The following GRIN1 variants were observed in gnomAD, a reference collection of about 807,000 sequenced individuals.
GRIN1 encodes glutamate receptor ionotropic, NMDA 1.
GRIN1 carries 38 observed loss-of-function variants against 103.0 expected under a neutral mutation model. The ratio of observed to expected loss-of-function variants is 0.37; its 90% CI spans 0.28 to 0.48. GRIN1 has a LOEUF of 0.48. Among genes scored for constraint, GRIN1 ranks in the 20% least tolerant of loss-of-function variants. The pLI is 0.98. For synonymous variants in GRIN1, 544 were observed against 532.7 expected, an observed-to-expected ratio of 1.02 and a Z score of -0.29; for missense variants, 577 against 1,288.9, an observed-to-expected ratio of 0.45 and a Z score of 8.46.
Position 137,146,826 on chromosome 9 carries a change from C to G in GRIN1, c.570+924C>G, listed in dbSNP as rs1832560294. ...TGGCTTCATCGGACTTAGGGCCAAC[C>G]TAGCACCCCCCAAGGCACCCCAGGC... On this transcript the variant is annotated intron_variant, in intron 3 of 19. Coordinates refer to ENST00000371561, the MANE Select transcript of GRIN1 (RefSeq NM_007327.4). This position sits in a 1 kb window ranked among gnomAD's most constrained non-coding sequence, Gnocchi z 6.7. 6.6e-6 allele frequency among the ~76,000 whole-genome samples: 1 copy of G among 152,148 alleles called. No homozygotes were observed. Among genetic ancestry groups the G allele is most frequent in the Admixed American group, 6.5e-5 (1 of 15,284 alleles).
chr9:137,157,110 G>T, intron 6 of GRIN1, 73 bp downstream of exon 6: 1 of 1,315,636 alleles, frequency 7.6e-7, no homozygotes, highest in South Asian at 1.3e-5. Flanking sequence ...AGAGATGGGC[G>T]GGGCCGCTCT....
chr9:137,148,764 G>A (rs1265398367), intron 3 of GRIN1, among the ~76,000 whole-genome samples: 1 of 152,246 alleles, frequency 6.6e-6, no homozygotes, highest in African/African-American at 2.4e-5. Flanking sequence ...GATCCAGAGA[G>A]AGCAGAGAGA....
Position 137,168,479 on chromosome 9 carries a change from C to T in GRIN1, c.*952C>T, listed in dbSNP as rs1833996772. On this transcript the variant is annotated 3_prime_UTR_variant, in exon 20 of 20. Transcript: ENST00000371561. ...GGCCTGCAGCCCAGAACGGGCCTCC[C>T]CGGGGGTCCCCGGACGCTGGCTCGG... 5.2e-6 allele frequency: 1 copy of T among 192,486 alleles called. No homozygotes were observed. The highest frequency in any genetic ancestry group is 2.3e-5 in the African/African-American group (1 of 42,672). The allele number at this position is 192,486 out of a possible 1,614,324, so 11.9% of individuals were successfully genotyped here. A position where few individuals can be genotyped will look rare whatever the true frequency, so the allele number is the denominator to read the frequency against.
In GRIN1 at chr9:137,162,428, C is replaced by T. The variant is rs369596145; in HGVS notation, c.1776C>T (p.Asn592=). 34 of 1,608,650 alleles carry T rather than the reference C, an allele frequency of 2.1e-5. No homozygotes were observed. The highest frequency in any genetic ancestry group is 3.3e-5 in the Admixed American group (2 of 59,992). ...GCCCCTTCGGCCGGTTCAAGGTGAA[C>T]AGCGAGGAGGAGGAGGAGGACGCAC... ...RFSPFGRFKV[N]SEEEEEDALT... Residue 592 remains asparagine, a synonymous_variant, in exon 13 of 20, where the codon AAC becomes AAT. Coordinates refer to ENST00000371561, the MANE Select transcript of GRIN1 (RefSeq NM_007327.4).
intron 17 of GRIN1, 25 bp downstream of exon 17, chr9:137,163,693 G>T (rs199794579): frequency 6.2e-7 from 1 of 1,613,128 alleles, no homozygotes; most frequent in South Asian, 1.1e-5. Context: ...ATCCATTCTC[G>T]GGTGGGTTCT....
rs1479113631 is a variant in GRIN1 at position 137,168,333 on chromosome 9, C to T, written c.*806C>T. 1.6e-5 allele frequency: 3 copies of T among 190,130 alleles called. No individual in the cohort carries two copies. Among genetic ancestry groups the T allele is most frequent in the Non-Finnish European group, 3.2e-5 (3 of 93,382 alleles). 11.8% of individuals were successfully genotyped at this position (190,130 alleles called of 1,614,324 possible). A position where few individuals can be genotyped will look rare whatever the true frequency, so the allele number is the denominator to read the frequency against. The stretch of plus-strand genomic sequence containing the variant: ...ACCCCGTCTGCCCCTTGACCCCACA[C>T]GCCGGGGCTGGCCCTGCCCTCCCCC... On this transcript the variant is annotated 3_prime_UTR_variant, in exon 20 of 20. Transcript: ENST00000371561.
intron 2 of GRIN1, among the ~76,000 whole-genome samples, chr9:137,143,891 G>T (rs377168208): frequency 6.6e-6 from 1 of 152,240 alleles, no homozygotes; most frequent in Non-Finnish European, 1.5e-5. Context: ...CTGAGGCAGA[G>T]GGGGGCAGAG....
Position 137,149,065 on chromosome 9 carries a change from GGAGGC to G in GRIN1, c.630_634del (p.Ala211ArgfsTer130). The G allele has an allele frequency of 6.2e-7, 1 of 1,613,560 alleles. No individual in the cohort carries two copies. The highest frequency in any genetic ancestry group is 8.5e-7 in the Non-Finnish European group (1 of 1,179,696). On this transcript the variant is annotated frameshift_variant, in exon 4 of 20. Transcript: ENST00000371561. LOFTEE classifies it high-confidence loss of function. The stretch of plus-strand genomic sequence containing the variant: ...CCAAGAACGTGACGGCCCTGCTGAT[GGAGGC>G]GAAAGAGCTGGAGGCCCGGGTCATC...
chr9:137,146,925 TG>T lies in GRIN1; in HGVS notation c.570+1029del, dbSNP rs1210980704. 6.6e-6 allele frequency among the ~76,000 whole-genome samples: 1 copy of T among 151,032 alleles called. No individual in the cohort carries two copies. The highest frequency in any genetic ancestry group is 6.6e-5 in the Admixed American group (1 of 15,210). On this transcript the variant is annotated intron_variant, in intron 3 of 19. Transcript: ENST00000371561. The surrounding 1 kb of genome is among the most constrained non-coding windows in gnomAD (Gnocchi z 6.7). ...CCAGAGGGTCCTGGGAGTACTGTCG[TG>T]GGGGGTCTGCTGAGTCTTGGGGGGG...
At chr9:137,150,192 A>G (rs2131237597) in intron 4 of GRIN1, among the ~76,000 whole-genome samples, 1 of 152,250 alleles carries the variant, frequency 6.6e-6, no homozygotes, top group African/African-American at 2.4e-5. Flanking sequence ...CACTCCACTC[A>G]TCCAACTGCA....
Position 137,168,728 on chromosome 9 carries a change from A to C in GRIN1, c.*1201A>C. On this transcript the variant is annotated 3_prime_UTR_variant, in exon 20 of 20. Coordinates refer to ENST00000371561, the MANE Select transcript of GRIN1 (RefSeq NM_007327.4). ...CCAACCCCCACCTCCCGGTGTATGC[A>C]GTGGTGATGCCTAAAGGAATGTCAC... is the stretch of plus-strand genomic sequence containing the variant. 2 of 674,398 alleles carry C rather than the reference A, an allele frequency of 3.0e-6. No individual in the cohort carries two copies. Among genetic ancestry groups the C allele is most frequent in the Non-Finnish European group, 4.1e-6 (2 of 490,006 alleles). 41.8% of individuals were successfully genotyped at this position (674,398 alleles called of 1,614,324 possible). A position where few individuals can be genotyped will look rare whatever the true frequency, so the allele number is the denominator to read the frequency against.
intron 6 of GRIN1, among the ~76,000 whole-genome samples, chr9:137,157,574 G>A (rs1833305198): frequency 6.6e-6 from 1 of 152,198 alleles, no homozygotes; most frequent in South Asian, 2.1e-4. Flanking sequence ...CAGGGACCCA[G>A]GAGGCCAGAC....
Position 137,159,500 on chromosome 9 carries a change from C to G in GRIN1, c.1197+796C>G, listed in dbSNP as rs568927060. On this transcript the variant is annotated intron_variant, in intron 8 of 19. Coordinates refer to ENST00000371561, the MANE Select transcript of GRIN1 (RefSeq NM_007327.4). Reference sequence around the variant, plus strand: ...CGGCCCCTGTGGCCTCTCACCCAAGCTCCCTTCCCTGCTCTGCAGACAGGG... The same window carrying G: ...CGGCCCCTGTGGCCTCTCACCCAAGGTCCCTTCCCTGCTCTGCAGACAGGG... Among the ~76,000 whole-genome samples, 25 of 152,340 alleles carry G rather than the reference C, an allele frequency of 1.6e-4. 2 individuals are homozygous for G. The South Asian group carries it at 2.9e-3, about 18-fold the overall frequency.
chr9:137,148,947 C>A, intron 3 of GRIN1, 62 bp from the exon 4 acceptor site: 1 of 1,235,556 alleles, frequency 8.1e-7, no homozygotes, highest in Non-Finnish European at 1.2e-6. Context: ...GCCCAACTCT[C>A]ACCCCTGAGG....
intron 2 of GRIN1, among the ~76,000 whole-genome samples, chr9:137,145,287 C>T (rs111718479): frequency 2.2e-4 from 18 of 82,976 alleles, no homozygotes; most frequent in East Asian, 3.9e-4. Context: ...TCCCAGGGTC[C>T]AGAAAGTGTC....
intron 18 of GRIN1, chr9:137,164,182 C>T (rs886874353): frequency 5.1e-5 from 26 of 510,922 alleles, no homozygotes; most frequent in South Asian, 1.2e-4. Flanking sequence ...AGTCGCCCGC[C>T]GGTACCCATT....
intron 3 of GRIN1, chr9:137,148,180 A>G: frequency 1.3e-6 from 2 of 1,547,102 alleles, no homozygotes; most frequent in African/African-American, 1.4e-5. Context: ...GAAAACCTCG[A>G]CCAACTGTCC....
intron 14 of GRIN1, 53 bp from the exon 15 acceptor site, chr9:137,162,793 C>A (rs1833629716): frequency 6.2e-7 from 1 of 1,604,290 alleles, no homozygotes; most frequent in African/African-American, 1.3e-5. Flanking sequence ...GGGTCGGCCT[C>A]GGTTAGGGGC....
intron 2 of GRIN1, among the ~76,000 whole-genome samples, chr9:137,145,372 A>T (rs1402758666): frequency 3.9e-4 from 45 of 114,410 alleles, no homozygotes; most frequent in African/African-American, 1.3e-3. Context: ...TGGTAGGGAC[A>T]GGGGTGGGAG....
Sources: allele counts gnomAD v4.1 joint callset (sites outside exome capture counted in the v4.1 genomes callset), GRCh38; gene constraint gnomAD v4.1.1; non-coding constraint Gnocchi (gnomAD v3.1); transcripts MANE v1.5; gene names NCBI Gene and HGNC (gene_info 2026-07-23, HGNC 2026-07-21).